The following FCGR2A variants were observed in gnomAD, a reference collection of about 807,000 sequenced individuals.
FCGR2A encodes the protein Fc gamma receptor IIa.
FCGR2A carries 18 observed loss-of-function variants against 29.3 expected under a neutral mutation model. The ratio of observed to expected loss-of-function variants is 0.62; its 90% CI spans 0.43 to 0.91. The LOEUF is 0.91. FCGR2A is among the 40% of genes least tolerant of loss of function. The pLI is 0.00. For missense variants in FCGR2A, 287 were observed against 393.0 expected, an observed-to-expected ratio of 0.73 and a Z score of 2.28; for synonymous variants, 126 against 144.8, an observed-to-expected ratio of 0.87 and a Z score of 0.93.
chr1:161,506,811 T>C lies in FCGR2A; in HGVS notation c.364+220T>C, dbSNP rs567209578. 8.5e-6 allele frequency: 8 copies of C among 944,800 alleles called. No homozygotes were observed. The African/African-American group carries it at 1.3e-4, about 16-fold the overall frequency. 58.5% of individuals were successfully genotyped at this position (944,800 alleles called of 1,614,324 possible). A position where few individuals can be genotyped will look rare whatever the true frequency, so the allele number is the denominator to read the frequency against. ...AATTTTCTCAGCATGTGTTAGGTTG[T>C]TTTTGCCTCAGTCTTGATTGAGCAA... On this transcript the variant is annotated intron_variant, in intron 3 of 6. Coordinates refer to ENST00000271450, the MANE Select transcript of FCGR2A (RefSeq NM_001136219.3).
intron 3 of FCGR2A, among the ~76,000 whole-genome samples, chr1:161,509,561 CGT>C (rs1675629197): frequency 6.6e-6 from 1 of 152,190 alleles, no homozygotes; most frequent in Non-Finnish European, 1.5e-5. Flanking sequence ...TCTACTCAAA[CGT>C]AGTATTTTAA....
chr1:161,521,828 CT>C (rs1412423810), downstream of FCGR2A, among the ~76,000 whole-genome samples: 1 of 152,128 alleles, frequency 6.6e-6, no homozygotes, highest in Non-Finnish European at 1.5e-5. Flanking sequence ...AAACCTCTTT[CT>C]TTTGTAAATT....
rs112591151 is a variant in FCGR2A, at chr1:161,505,546, C to T, written c.79C>T (p.Leu27=). 7.3e-5 allele frequency: 117 copies of T among 1,613,692 alleles called. 4 individuals are homozygous for T. The African/African-American group carries it at 8.4e-4, about 12-fold the overall frequency. Residue 27 remains leucine (L), a synonymous_variant, in exon 1 of 7, where the codon CTG becomes TTG. Transcript: ENST00000271450. Reference sequence around the variant, plus strand: ...GCTTCAACCATTGACAGTTTTGCTGCTGCTGGGTGAGTGAGGGTCATTCTG... The same window carrying T: ...GCTTCAACCATTGACAGTTTTGCTGTTGCTGGGTGAGTGAGGGTCATTCTG... ...WLLQPLTVLL[L]LASADSQAAA... is the part of the protein sequence containing the mutation.
At chr1:161,507,326 T>C (rs1374611937) in intron 3 of FCGR2A, among the ~76,000 whole-genome samples, 1 of 152,214 alleles carries the variant, frequency 6.6e-6, no homozygotes, top group Non-Finnish European at 1.5e-5. Context: ...TCTCAGTATG[T>C]TGCCCAGGCT....
chr1:161,511,453 CAG>C (rs949540871), intron 5 of FCGR2A, among the ~76,000 whole-genome samples: 13 of 151,124 alleles, frequency 8.6e-5, no homozygotes, highest in Non-Finnish European at 1.8e-4. Context: ...TACAGAGAAA[CAG>C]AGAGAGAGAG....
At chr1:161,506,665 G>T in intron 3 of FCGR2A, 74 bp downstream of exon 3, 1 of 1,596,404 alleles carries the variant, frequency 6.3e-7, no homozygotes, top group Non-Finnish European at 8.6e-7. Flanking sequence ...ACAGAGGTTT[G>T]CAGGAAAGAG....
chr1:161,511,069 C>A, intron 5 of FCGR2A, 113 bp downstream of exon 5: 1 of 1,481,610 alleles, frequency 6.7e-7, no homozygotes, highest in Admixed American at 1.7e-5. Context: ...CCGATCTAGG[C>A]CCACCTTTTA....
At chr1:161,506,296 G>A (rs762779174) in intron 2 of FCGR2A, 38 bp from the exon 3 acceptor site, 1 of 1,612,232 alleles carries the variant, frequency 6.2e-7, no homozygotes. Flanking sequence ...TCCCTTCAGG[G>A]TTATTTATTC....
At chr1:161,506,858 A>T (rs929616413) in intron 3 of FCGR2A, among the ~76,000 whole-genome samples, 1 of 152,244 alleles carries the variant, frequency 6.6e-6, no homozygotes, top group African/African-American at 2.4e-5. Flanking sequence ...GGCCACAAAC[A>T]GCTGAGTGTG....
rs374658515 is a variant in FCGR2A at position 161,513,908 on chromosome 1, T to A, written c.756T>A (p.Asp252Glu). 2.0e-5 allele frequency: 32 copies of A among 1,614,270 alleles called. 2 individuals are homozygous for A. The highest frequency in any genetic ancestry group is 1.7e-4 in the Admixed American group (10 of 60,030). ...TTTTCCCCACAGCCAATTCCACTGA[T>A]CCTGTGAAGGCTGCCCAATTTGAGG... Reference protein sequence around the residue: ...RKKRISANSTDPVKAAQFEPP... With the variant: ...RKKRISANSTEPVKAAQFEPP... The change falls in exon 6 of 7, where the codon GAT (aspartate) becomes GAA (glutamate). Residue 252 changes from aspartate to glutamate, a missense_variant. By Grantham distance (45) the Asp-to-Glu change is conservative. This residue lies in a region of FCGR2A where 72 missense variants were observed against 68.6 expected (regional missense o/e 1.05). Coordinates refer to ENST00000271450, the MANE Select transcript of FCGR2A (RefSeq NM_001136219.3).
At chr1:161,506,062 T>C in intron 2 of FCGR2A, 55 bp downstream of exon 2, 1 of 1,561,798 alleles carries the variant, frequency 6.4e-7, no homozygotes, top group Non-Finnish European at 8.8e-7. Context: ...CATAATATGA[T>C]GCTGTGTTTG....
rs1323838602 is a variant in FCGR2A, at chr1:161,512,951, T to A, written c.743-944T>A. Among the ~76,000 whole-genome samples the A allele has an allele frequency of 2.0e-5, 3 of 152,194 alleles. No individual in the cohort carries two copies. The East Asian group carries it at 5.8e-4, about 29-fold the overall frequency. On this transcript the variant is annotated intron_variant, in intron 5 of 6. Transcript: ENST00000271450. Reference sequence around the variant, plus strand: ...GGCATAAGCACACTTCACGAGGCACTTTTGCAGCCAGGCATGGGGGCTGCA... The same window carrying A: ...GGCATAAGCACACTTCACGAGGCACATTTGCAGCCAGGCATGGGGGCTGCA...
At chr1:161,508,676 C>A (rs775345030) in intron 3 of FCGR2A, among the ~76,000 whole-genome samples, 2 of 151,192 alleles carry the variant, frequency 1.3e-5, no homozygotes, top group Non-Finnish European at 2.9e-5. Flanking sequence ...TCCTATGATA[C>A]AGCAATTTGA....
chr1:161,511,350 G>A (rs1246018190), intron 5 of FCGR2A, among the ~76,000 whole-genome samples: 1 of 152,152 alleles, frequency 6.6e-6, no homozygotes. Flanking sequence ...GGTACTGCAA[G>A]CCTCTGAGAA....
At chr1:161,512,780 G>C (rs568154038) in intron 5 of FCGR2A, among the ~76,000 whole-genome samples, 2 of 152,338 alleles carry the variant, frequency 1.3e-5, no homozygotes, top group East Asian at 3.9e-4. Flanking sequence ...CACTTGTTCA[G>C]CTGTGCTTGC....
At position 161,506,001 on chromosome 1, in the gene FCGR2A, C is replaced by A; in HGVS notation, c.100C>A (p.Gln34Lys). Residue 34 changes from glutamine to lysine, a missense_variant, in exon 2 of 7, where the codon CAA becomes AAA. Around this residue, in one of 3 missense-constraint regions of FCGR2A, gnomAD observed 181 missense variants for 250.9 expected, o/e 0.72. Coordinates refer to ENST00000271450, the MANE Select transcript of FCGR2A (RefSeq NM_001136219.3). Reference protein sequence around the residue: ...VLLLLASADSQAAAPPKAVLK... With the variant: ...VLLLLASADSKAAAPPKAVLK... Reference sequence around the variant, plus strand: ...CTCTTTTACAGCTTCTGCAGACAGTCAAGCTGGTGAGTATGCCCTTTGCTT... The same window carrying A: ...CTCTTTTACAGCTTCTGCAGACAGTAAAGCTGGTGAGTATGCCCTTTGCTT... The A allele has an allele frequency of 6.2e-7, 1 of 1,613,998 alleles. No individual in the cohort carries two copies. The highest frequency in any genetic ancestry group is 1.1e-5 in the South Asian group (1 of 91,064).
chr1:161,516,753 A>AT (rs1221815872), intron 6 of FCGR2A, among the ~76,000 whole-genome samples: 2 of 147,344 alleles, frequency 1.4e-5, no homozygotes, highest in South Asian at 4.3e-4. Context: ...AGGCCTGTTC[A>AT]TTTTCTTTGA....
In FCGR2A at chr1:161,519,736, C is replaced by G. The variant is rs560605837; in HGVS notation, c.*1588C>G. The G allele has an allele frequency of 5.9e-5, 9 of 152,134 alleles. No individual in the cohort carries two copies. The highest frequency in any genetic ancestry group is 1.4e-4 in the African/African-American group (6 of 41,482). The allele number at this position is 152,134 out of a possible 1,614,324, so 9.4% of individuals were successfully genotyped here. On this transcript the variant is annotated 3_prime_UTR_variant, in exon 7 of 7. Coordinates refer to ENST00000271450, the MANE Select transcript of FCGR2A (RefSeq NM_001136219.3). ...AGGGTGAGTGCCCCTCTTCTTAGAA[C>G]TGAATACTCTTCTTCTAATGAACTT...
chr1:161,506,817 C>T (rs958221892), intron 3 of FCGR2A: 4 of 902,110 alleles, frequency 4.4e-6, no homozygotes, highest in South Asian at 1.8e-5. Flanking sequence ...GTTGTTTTTG[C>T]CTCAGTCTTG....
Sources: allele counts gnomAD v4.1 joint callset (sites outside exome capture counted in the v4.1 genomes callset), GRCh38; gene constraint gnomAD v4.1.1; regional missense constraint gnomAD v4.1.1; transcripts MANE v1.5; gene names NCBI Gene and HGNC (gene_info 2026-07-23, HGNC 2026-07-21).